Variants in MYCBP2 observed in about 807,000 individuals in gnomAD.
The protein encoded by MYCBP2 is MYC binding protein 2.
A neutral mutation model predicts 525.3 loss-of-function variants in MYCBP2; 120 were observed. The observed-to-expected ratio is 0.23, with a 90% CI of 0.20 to 0.27. The LOEUF (loss-of-function observed/expected upper bound fraction) is 0.27, where lower values mean the gene tolerates loss of function less well. Among genes scored for constraint, MYCBP2 ranks in the 10% least tolerant of loss-of-function variants. The pLI is 1.00. For missense variants in MYCBP2, 4,149 were observed against 5,657.1 expected, an observed-to-expected ratio of 0.73 and a Z score of 8.55; for synonymous variants, 1,894 against 1,955.8, an observed-to-expected ratio of 0.97 and a Z score of 0.83.
chr13:77,218,871 T>C (rs2065170027), intron 20 of MYCBP2, among the ~76,000 whole-genome samples: 1 of 152,164 alleles, frequency 6.6e-6, no homozygotes, highest in African/African-American at 2.4e-5. Context: ...CACTTTAAAT[T>C]TTAAAAATTA....
In MYCBP2 at chr13:77,278,905, C is replaced by T; in HGVS notation, c.601G>A (p.Glu201Lys). ...TCAAAAACTTCACAAAGGCCAACCT[C>T]AATAATCTATTTAAAAGGAAAAAAT... Reference protein sequence around the residue: ...EPPIKLPKIIEVGLCEVFELI... With the variant: ...EPPIKLPKIIKVGLCEVFELI... The change falls in exon 4 of 83, where the codon GAG becomes AAG. Residue 201 changes from glutamate to lysine, a missense_variant. Coordinates refer to ENST00000544440, the MANE Select transcript of MYCBP2 (RefSeq NM_015057.5). 6.4e-7 allele frequency: 1 copy of T among 1,564,150 alleles called. No individual in the cohort carries two copies. Among genetic ancestry groups the T allele is most frequent in the Non-Finnish European group, 8.6e-7 (1 of 1,159,394 alleles).
At chr13:77,095,732 T>G in intron 57 of MYCBP2, 130 bp from the exon 58 acceptor site, 1 of 1,151,066 alleles carries the variant, frequency 8.7e-7, no homozygotes, top group Non-Finnish European at 1.2e-6. Context: ...ATAATAAGAT[T>G]ATAAAAAACA....
chr13:77,288,525 C>T (rs2077127001), intron 2 of MYCBP2, 149 bp from the exon 3 acceptor site: 7 of 686,774 alleles, frequency 1.0e-5, no homozygotes, highest in Admixed American at 8.9e-5. Flanking sequence ...ATGGACCCAA[C>T]TTCTAGTCCC....
intron 59 of MYCBP2, among the ~76,000 whole-genome samples, chr13:77,092,060 G>A (rs1203205287): frequency 2.8e-5 from 4 of 140,466 alleles, no homozygotes; most frequent in African/African-American, 1.1e-4. Flanking sequence ...GGGGAGGGGA[G>A]AAGTTGCATG....
At chr13:77,318,502 T>C (rs1404870728) in intron 1 of MYCBP2, among the ~76,000 whole-genome samples, 2 of 152,218 alleles carry the variant, frequency 1.3e-5, no homozygotes, top group African/African-American at 4.8e-5. Context: ...ACGCCTGTAA[T>C]CCCAGCACTT....
chr13:77,120,906 T>C (rs1003082646), intron 55 of MYCBP2, among the ~76,000 whole-genome samples: 4 of 152,174 alleles, frequency 2.6e-5, no homozygotes, highest in Non-Finnish European at 5.9e-5. Context: ...CTAAGATTAC[T>C]GGGTTAGAAA....
At chr13:77,191,848 T>C (rs747060877) in intron 27 of MYCBP2, 35 bp from the exon 28 acceptor site, 14 of 1,599,260 alleles carry the variant, frequency 8.8e-6, no homozygotes, top group Non-Finnish European at 1.2e-5. Flanking sequence ...AACAATATTT[T>C]CTTACTTCTC....
rs1438841033 is a variant in MYCBP2, at chr13:77,157,957, T to G, written c.6750A>C (p.Ser2250=). 6.2e-7 allele frequency: 1 copy of G among 1,612,398 alleles called. No individual in the cohort carries two copies. The highest frequency in any genetic ancestry group is 1.3e-5 in the African/African-American group (1 of 74,838). Residue 2250 remains serine, a synonymous_variant, in exon 45 of 83, where the codon TCA becomes TCC. Transcript: ENST00000544440. ...LDDFIACVPG[S]SGGRLARWLQ... ...TTTACCTTGCAAGCCTTCCACCACTTGATCCTGGGACACAGGCAATAAAAT... is the reference window on the plus strand; with the variant it reads ...TTTACCTTGCAAGCCTTCCACCACTGGATCCTGGGACACAGGCAATAAAAT...
Position 77,237,350 on chromosome 13 carries a change from T to C in MYCBP2, c.2630-4087A>G, listed in dbSNP as rs546611403. Among the ~76,000 whole-genome samples, 14 of 152,274 alleles carry C rather than the reference T, an allele frequency of 9.2e-5. No individual in the cohort carries two copies. The Middle Eastern group carries it at 0.02, about 222-fold the overall frequency. Reference sequence around the variant, plus strand: ...ACATATGTCTACACTTTCACATATGTGTAAGTCTCTGTACATGATTATATT... The same window carrying C: ...ACATATGTCTACACTTTCACATATGCGTAAGTCTCTGTACATGATTATATT... On this transcript the variant is annotated intron_variant, in intron 17 of 82. Coordinates refer to ENST00000544440, the MANE Select transcript of MYCBP2 (RefSeq NM_015057.5).
intron 52 of MYCBP2, among the ~76,000 whole-genome samples, chr13:77,131,438 G>C (rs1328656322): frequency 1.3e-5 from 2 of 151,666 alleles, no homozygotes; most frequent in Non-Finnish European, 2.9e-5. Context: ...AGGACTCCTT[G>C]AGCCCAGAAG....
At position 77,326,133 on chromosome 13, in the gene MYCBP2, C is replaced by G. The variant is rs1395929442; in HGVS notation, c.302+341G>C. Among the ~76,000 whole-genome samples the G allele has an allele frequency of 6.6e-6, 1 of 151,982 alleles. No individual in the cohort carries two copies. The highest frequency in any genetic ancestry group is 1.5e-5 in the Non-Finnish European group (1 of 68,006). On this transcript the variant is annotated intron_variant, in intron 1 of 82. Coordinates refer to ENST00000544440, the MANE Select transcript of MYCBP2 (RefSeq NM_015057.5). The surrounding 1 kb of genome is among the most constrained non-coding windows in gnomAD (Gnocchi z 4.2). ...CTTACCCTCTCTACCCATGCCACCTCCTACCTCAACGATACACACACGTGT... is the reference window on the plus strand; with the variant it reads ...CTTACCCTCTCTACCCATGCCACCTGCTACCTCAACGATACACACACGTGT...
At chr13:77,257,608 G>T (rs2072477318) in intron 14 of MYCBP2, 63 bp downstream of exon 14, 1 of 1,422,104 alleles carries the variant, frequency 7.0e-7, no homozygotes, top group Non-Finnish European at 9.3e-7. Context: ...TTTTCACTAT[G>T]TTGTTCTGAA....
intron 1 of MYCBP2, among the ~76,000 whole-genome samples, chr13:77,303,703 T>C (rs1471126632): frequency 6.6e-6 from 1 of 151,886 alleles, no homozygotes; most frequent in Non-Finnish European, 1.5e-5. Context: ...ACAAAATCGG[T>C]AGAATGCTGC....
intron 55 of MYCBP2, among the ~76,000 whole-genome samples, chr13:77,119,007 A>G (rs1357283094): frequency 6.6e-6 from 1 of 152,224 alleles, no homozygotes; most frequent in Non-Finnish European, 1.5e-5. Context: ...TTTACATTAT[A>G]GTTATAAATT....
chr13:77,206,811 G>C lies in MYCBP2; in HGVS notation c.3431C>G (p.Thr1144Ser). ...YDVIWRFRPN[T>S]RELWCYNAVV... ...CGCATTGTAACACCACAGCTCTCTA[G>C]TATTTGGTCGAAACCTTTAAAGAAA... Residue 1144 changes from threonine (T) to serine (S), a missense_variant, in exon 24 of 83, where the codon ACT becomes AGT. Around this residue, in one of 21 missense-constraint regions of MYCBP2, gnomAD observed 620 missense variants for 795.5 expected, o/e 0.78. Transcript: ENST00000544440. The C allele has an allele frequency of 1.3e-6, 2 of 1,596,756 alleles. No individual in the cohort carries two copies. Among genetic ancestry groups the C allele is most frequent in the Non-Finnish European group, 1.7e-6 (2 of 1,172,438 alleles).
chr13:77,119,382 CA>C (rs1302093704), intron 55 of MYCBP2, among the ~76,000 whole-genome samples: 3 of 151,908 alleles, frequency 2.0e-5, no homozygotes, highest in African/African-American at 7.3e-5. Context: ...AATAAAGTTT[CA>C]TATGTGAAAA....
intron 3 of MYCBP2, among the ~76,000 whole-genome samples, chr13:77,282,591 C>G (rs112780359): frequency 1.3e-5 from 2 of 152,128 alleles, no homozygotes; most frequent in East Asian, 1.9e-4. Flanking sequence ...GATCCCACCC[C>G]CTCCGATCTC....
At chr13:77,054,489 C>T (rs2037466063) in intron 80 of MYCBP2, among the ~76,000 whole-genome samples, 1 of 151,582 alleles carries the variant, frequency 6.6e-6, no homozygotes, top group Non-Finnish European at 1.5e-5. Context: ...CTGTAATTAC[C>T]AAGGAAAATG....
At chr13:77,092,915 C>T (rs978020576) in intron 59 of MYCBP2, among the ~76,000 whole-genome samples, 1 of 152,192 alleles carries the variant, frequency 6.6e-6, no homozygotes, top group African/African-American at 2.4e-5. Context: ...TGATTTACTA[C>T]AGCATTAAGT....
Sources: gnomAD v4.1 joint callset for allele counts (sites outside exome capture counted in the v4.1 genomes callset) on GRCh38, gnomAD v4.1.1 for gene constraint, gnomAD v4.1.1 regional missense constraint, Gnocchi (gnomAD v3.1) non-coding constraint, MANE v1.5 for transcripts, NCBI Gene and HGNC (gene_info 2026-07-23, HGNC 2026-07-21) for gene names.